The following ASPHD1 variants were observed in gnomAD, a reference collection of about 807,000 sequenced individuals.
ASPHD1 encodes the protein aspartate beta-hydroxylase domain-containing protein 1.
Under a neutral mutation model 28.3 loss-of-function variants are expected in ASPHD1, and 20 were observed. The observed-to-expected ratio is 0.71, with a 90% CI of 0.50 to 1.03. The LOEUF is 1.03. Among genes scored for constraint, ASPHD1 ranks in the 50% least tolerant of loss-of-function variants. The pLI is 0.00. For synonymous variants in ASPHD1, 240 were observed against 221.2 expected (o/e 1.08, Z -0.75); for missense variants, 479 against 524.1 (o/e 0.91, Z 0.84).
chr16:29,903,783 G>T (rs1051254340), intron 1 of ASPHD1, among the ~76,000 whole-genome samples: 1 of 152,096 alleles, frequency 6.6e-6, no homozygotes, highest in Non-Finnish European at 1.5e-5. Flanking sequence ...CAGTACTCAA[G>T]TTTTCAAGTG....
At chr16:29,906,094 G>C, downstream of ASPHD1, 1 of 469,992 alleles carries the variant, frequency 2.1e-6, no homozygotes. Flanking sequence ...GGCTGGGGCA[G>C]GGCCTTATGT....
rs370689330 is a variant in ASPHD1, at chr16:29,902,883, C to CTTTTTTTTTTTTTTTTTTTTT, written c.949+968_949+969insTTTTTTTTTTTTTTTTTTTTT. On this transcript the variant is annotated intron_variant, in intron 1 of 2. Coordinates refer to ENST00000308748, the MANE Select transcript of ASPHD1 (RefSeq NM_181718.4). ...CAGTAGCACCAAACTGAGATTTTTT[C>CTTTTTTTTTTTTTTTTTTTTT]TTTTTCTTTTTTTTTTTTTTTTGAG... Among the ~76,000 whole-genome samples, 4 of 107,552 alleles carry CTTTTTTTTTTTTTTTTTTTTT rather than the reference C, an allele frequency of 3.7e-5. 2 individuals are homozygous for CTTTTTTTTTTTTTTTTTTTTT. Among genetic ancestry groups the CTTTTTTTTTTTTTTTTTTTTT allele is most frequent in the African/African-American group, 8.0e-5 (2 of 24,898 alleles). The allele number at this position is 107,552 out of a possible 152,430, so 70.6% of individuals were successfully genotyped here.
intron 1 of ASPHD1, 144 bp from the exon 2 acceptor site, chr16:29,904,708 T>C: frequency 5.5e-6 from 3 of 549,370 alleles, no homozygotes; most frequent in Non-Finnish European, 6.5e-6. Context: ...ATTGTAATTA[T>C]ACTGTGGCCA....
At chr16:29,902,433 G>A (rs1484169054) in intron 1 of ASPHD1, among the ~76,000 whole-genome samples, 1 of 152,166 alleles carries the variant, frequency 6.6e-6, no homozygotes, top group East Asian at 1.9e-4. Flanking sequence ...ATAAACACAA[G>A]CTGAAATTTA....
chr16:29,902,107 C>T (rs2068557731), intron 1 of ASPHD1, among the ~76,000 whole-genome samples, 187 bp downstream of exon 1: 2 of 152,182 alleles, frequency 1.3e-5, no homozygotes, highest in African/African-American at 2.4e-5. Flanking sequence ...TAAGCTTTGC[C>T]GTGGTCATTC....
chr16:29,906,005 G>GTGT lies in ASPHD1; in HGVS notation c.*108_*109insTGT. The GTGT allele has an allele frequency of 2.1e-6, 1 of 465,156 alleles. No individual in the cohort carries two copies. Among genetic ancestry groups the GTGT allele is most frequent in the Non-Finnish European group, 4.0e-6 (1 of 252,750 alleles). 28.8% of individuals were successfully genotyped at this position (465,156 alleles called of 1,614,324 possible). On this transcript the variant is annotated 3_prime_UTR_variant, in exon 3 of 3. Transcript: ENST00000308748. ...ACTGCGGGGGTGGGCGGGGGCGGAG[G>GTGT]ATGGGAACTGGCTAGTGAGCACTGA... is the stretch of plus-strand genomic sequence containing the variant.
intron 1 of ASPHD1, among the ~76,000 whole-genome samples, chr16:29,904,206 G>A (rs925236993): frequency 2.0e-5 from 3 of 152,074 alleles, no homozygotes; most frequent in Non-Finnish European, 4.4e-5. Flanking sequence ...AGCATTTTGG[G>A]AGGCTGAGGT....
chr16:29,905,999 GCGGAGGA>G lies in ASPHD1; in HGVS notation c.*103_*109del. On this transcript the variant is annotated 3_prime_UTR_variant, in exon 3 of 3. Transcript: ENST00000308748. Reference sequence around the variant, plus strand: ...CTCTCTACTGCGGGGGTGGGCGGGGGCGGAGGATGGGAACTGGCTAGTGAGCACTGAA... The same window carrying G: ...CTCTCTACTGCGGGGGTGGGCGGGGGTGGGAACTGGCTAGTGAGCACTGAA... The G allele has an allele frequency of 1.5e-6, 1 of 672,322 alleles. No homozygotes were observed. Among genetic ancestry groups the G allele is most frequent in the Admixed American group, 2.7e-5 (1 of 37,436 alleles). The allele number at this position is 672,322 out of a possible 1,614,324, so 41.6% of individuals were successfully genotyped here. A position where few individuals can be genotyped will look rare whatever the true frequency, so the allele number is the denominator to read the frequency against.
In ASPHD1 at chr16:29,900,999, G is replaced by A; in HGVS notation, c.28G>A (p.Val10Met). 6.4e-7 allele frequency: 1 copy of A among 1,560,802 alleles called. No individual in the cohort carries two copies. The highest frequency in any genetic ancestry group is 8.7e-7 in the Non-Finnish European group (1 of 1,151,752). The change falls in exon 1 of 3, where the codon GTG becomes ATG. Residue 10 changes from valine to methionine, a missense_variant. Val to Met is a conservative substitution (Grantham distance 21, BLOSUM62 1). Transcript: ENST00000308748. MKEGRGSFS[V>M]ERGPRKERET... ...GAAGGAGGGGAGAGGGAGCTTCAGC[G>A]TGGAGAGAGGACCGCGGAAGGAGAG...
intron 3 of ASPHD1, chr16:29,914,911 G>T (rs1199938413): frequency 1.3e-5 from 2 of 152,114 alleles, no homozygotes; most frequent in Non-Finnish European, 2.9e-5. Context: ...GGAGGCCAAG[G>T]TGGGAGGATT....
At position 29,912,433 on chromosome 16, in the gene ASPHD1, T is replaced by C. The variant is rs2068730682; in HGVS notation, c.*62+6474T>C. 2.2e-5 allele frequency: 6 copies of C among 276,312 alleles called. No homozygotes were observed. The South Asian group carries it at 3.1e-4, about 14-fold the overall frequency. 17.1% of individuals were successfully genotyped at this position (276,312 alleles called of 1,614,324 possible). On this transcript the variant is annotated intron_variant and NMD_transcript_variant, in intron 3 of 3. Coordinates refer to the ASPHD1 transcript ENST00000414952. ...AGCCTCCTCTACATCCTGCCTTTTG[T>C]GTTATCAGTTTTCTTTTTCTTTTTT...
Position 29,918,725 on chromosome 16 carries a change from C to T in ASPHD1, c.*63-806C>T, listed in dbSNP as rs543379038. ...AGGCTGGAGTGCAGTGGCACGATCT[C>T]GGCTCACTGCAACCTCTGCCTCCCC... On this transcript the variant is annotated intron_variant and NMD_transcript_variant, in intron 3 of 3. Transcript: ENST00000414952. Among the ~76,000 whole-genome samples, 15 of 151,932 alleles carry T rather than the reference C, an allele frequency of 9.9e-5. 1 individual carries two copies. The highest frequency in any genetic ancestry group is 2.2e-4 in the Non-Finnish European group (15 of 67,988).
intron 3 of ASPHD1, chr16:29,914,347 A>T (rs1028499167): frequency 1.3e-5 from 2 of 152,088 alleles, no homozygotes; most frequent in African/African-American, 4.8e-5. Flanking sequence ...ATCAGCTCAA[A>T]GTACAGAATC....
chr16:29,904,779 T>A (rs1356497793), intron 1 of ASPHD1, 73 bp from the exon 2 acceptor site: 4 of 936,890 alleles, frequency 4.3e-6, no homozygotes, highest in Non-Finnish European at 6.6e-6. Flanking sequence ...TAGAGCTAGT[T>A]GCTAATTGAC....
At position 29,901,217 on chromosome 16, in the gene ASPHD1, G is replaced by T. The variant is rs1308860588; in HGVS notation, c.246G>T (p.Leu82Phe). ...PLPLASSALT[L>F]LFGALTSLFL... The stretch of plus-strand genomic sequence containing the variant: ...CCCTGGCCTCCTCGGCCCTCACCTT[G>T]CTCTTCGGGGCCCTCACTTCCCTGT... Residue 82 changes from leucine to phenylalanine, a missense_variant, in exon 1 of 3, where the codon TTG (leucine) becomes TTT (phenylalanine). By Grantham distance (22) the Leu-to-Phe change is conservative. Transcript: ENST00000308748. This position sits in a 1 kb window ranked among gnomAD's most constrained non-coding sequence, Gnocchi z 5.1. 6.2e-7 allele frequency: 1 copy of T among 1,613,710 alleles called. No individual in the cohort carries two copies. Among genetic ancestry groups the T allele is most frequent in the Non-Finnish European group, 8.5e-7 (1 of 1,179,942 alleles).
rs765278930 is a variant in ASPHD1 at position 29,901,080 on chromosome 16, G to A, written c.109G>A (p.Ala37Thr). 2 of 1,611,428 alleles carry A rather than the reference G, an allele frequency of 1.2e-6. No homozygotes were observed. The highest frequency in any genetic ancestry group is 1.3e-5 in the African/African-American group (1 of 74,756). Residue 37 changes from alanine (A) to threonine (T), a missense_variant, in exon 1 of 3, where the codon GCA (alanine) becomes ACA (threonine). Coordinates refer to ENST00000308748, the MANE Select transcript of ASPHD1 (RefSeq NM_181718.4). The surrounding 1 kb of genome is among the most constrained non-coding windows in gnomAD (Gnocchi z 5.1). The stretch of plus-strand genomic sequence containing the variant: ...AAACAGTCCAGCGGGGAGCCAGGGG[G>A]CAGCCATGGAAGGGACAGGTGGGGA... ...KGNSPAGSQGAAMEGTGGELG... is the reference protein window; with the variant it reads ...KGNSPAGSQGTAMEGTGGELG...
chr16:29,912,492 G>C (rs879869615), intron 3 of ASPHD1: 2 of 204,314 alleles, frequency 9.8e-6, no homozygotes, highest in South Asian at 1.4e-4. Flanking sequence ...CCAGGCTGGA[G>C]TGCAATGGCG....
At chr16:29,916,312 C>T (rs2068808582) in intron 3 of ASPHD1, among the ~76,000 whole-genome samples, 1 of 151,728 alleles carries the variant, frequency 6.6e-6, no homozygotes, top group Non-Finnish European at 1.5e-5. Context: ...TGGTCTCGAA[C>T]TCCTGAACTC....
Position 29,901,714 on chromosome 16 carries a change from G to T in ASPHD1, c.743G>T (p.Gly248Val). Reference protein sequence around the residue: ...PRGWSPPLAPGCYQLLLYQAG... With the variant: ...PRGWSPPLAPVCYQLLLYQAG... Reference sequence around the variant, plus strand: ...GGCTGGTCCCCACCTCTGGCCCCCGGGTGCTACCAGCTCCTGCTGTACCAA... The same window carrying T: ...GGCTGGTCCCCACCTCTGGCCCCCGTGTGCTACCAGCTCCTGCTGTACCAA... Residue 248 changes from glycine (G) to valine (V), a missense_variant, in exon 1 of 3, where the codon GGG becomes GTG. By Grantham distance (109) the Gly-to-Val change is moderately radical. Transcript: ENST00000308748. This position sits in a 1 kb window ranked among gnomAD's most constrained non-coding sequence, Gnocchi z 5.1. The T allele has an allele frequency of 6.4e-7, 1 of 1,571,440 alleles. No homozygotes were observed.
Sources: gnomAD v4.1 joint callset for allele counts (sites outside exome capture counted in the v4.1 genomes callset) on GRCh38, gnomAD v4.1.1 for gene constraint, Gnocchi (gnomAD v3.1) non-coding constraint, MANE v1.5 for transcripts, NCBI Gene and HGNC (gene_info 2026-07-23, HGNC 2026-07-21) for gene names.